Variants in PDCD6IP observed in about 807,000 individuals in gnomAD.
PDCD6IP encodes the protein programmed cell death 6 interacting protein.
In PDCD6IP, 43 loss-of-function variants were observed where a neutral mutation model predicts 103.7. The observed-to-expected ratio is 0.41, with a 90% CI of 0.32 to 0.53. PDCD6IP has a LOEUF of 0.53. Ranked by LOEUF, PDCD6IP falls within the 20% of genes least tolerant of loss-of-function variation. The pLI, the probability that PDCD6IP is intolerant of heterozygous loss-of-function variation, is 0.16. For synonymous variants in PDCD6IP, 354 were observed against 378.7 expected (o/e 0.93, Z 0.76); for missense variants, 871 against 1,036.7 (o/e 0.84, Z 2.20).
intron 16 of PDCD6IP, 109 bp downstream of exon 16, chr3:33,864,238 G>A (rs943418651): frequency 4.4e-6 from 3 of 675,458 alleles, no homozygotes; most frequent in Non-Finnish European, 7.7e-6. Context: ...GTTACCACCT[G>A]CATCAGGTAA....
intron 1 of PDCD6IP, among the ~76,000 whole-genome samples, chr3:33,802,592 C>T (rs529388037): frequency 2.0e-5 from 3 of 151,562 alleles, no homozygotes; most frequent in East Asian, 1.9e-4. Context: ...CGGGTTCAAA[C>T]GATTCTCCTG....
rs146356368 is a variant in PDCD6IP, at chr3:33,820,694, A to G, written c.335-1261A>G. ...TGTGACTGACATTTCATTTAGCTTA[A>G]TGTCCTCAAGATTCATCCGTGTTAT... On this transcript the variant is annotated intron_variant, in intron 3 of 17. Transcript: ENST00000307296. 4.8e-4 allele frequency among the ~76,000 whole-genome samples: 73 copies of G among 152,296 alleles called. No individual in the cohort carries two copies. In the East Asian group the frequency reaches 0.011, roughly 23 times the overall value.
At chr3:33,827,090 T>A (rs1697143761) in intron 6 of PDCD6IP, 1 of 985,312 alleles carries the variant, frequency 1.0e-6, no homozygotes, top group Admixed American at 6.1e-5. Flanking sequence ...GGGCTGCTAA[T>A]GGACAGCTAA....
At chr3:33,810,193 C>T (rs1488777418) in intron 1 of PDCD6IP, among the ~76,000 whole-genome samples, 1 of 152,130 alleles carries the variant, frequency 6.6e-6, no homozygotes, top group Non-Finnish European at 1.5e-5. Flanking sequence ...GGTAATTTTT[C>T]TAATTTCATC....
In PDCD6IP at chr3:33,828,863, C is replaced by A; in HGVS notation, c.728C>A (p.Pro243His). The A allele has an allele frequency of 6.2e-7, 1 of 1,612,954 alleles. No homozygotes were observed. The highest frequency in any genetic ancestry group is 1.1e-5 in the South Asian group (1 of 90,978). Residue 243 changes from proline (P) to histidine (H), a missense_variant, in exon 7 of 18, where the codon CCT (proline) becomes CAT (histidine). Transcript: ENST00000307296. ...TATTTTTATTTCCAGGAGGTGTTCC[C>A]TGTCTTGGCTGCAAAGCACTGTATC... Reference protein sequence around the residue: ...YKDTLPKEVFPVLAAKHCIMQ... With the variant: ...YKDTLPKEVFHVLAAKHCIMQ...
intron 4 of PDCD6IP, among the ~76,000 whole-genome samples, chr3:33,824,034 T>C (rs995532401): frequency 5.3e-5 from 8 of 152,126 alleles, no homozygotes; most frequent in Admixed American, 1.3e-4. Flanking sequence ...GCAAGTTCTT[T>C]AACCTCTCTA....
chr3:33,863,710 G>T (rs889165390), intron 15 of PDCD6IP, among the ~76,000 whole-genome samples: 3 of 152,166 alleles, frequency 2.0e-5, no homozygotes, highest in African/African-American at 7.2e-5. Context: ...TGGAAGTGCT[G>T]CAATAAACAT....
intron 10 of PDCD6IP, 125 bp downstream of exon 10, chr3:33,842,199 T>A: frequency 1.7e-6 from 1 of 590,342 alleles, no homozygotes; most frequent in South Asian, 2.8e-5. Context: ...TTTGGTGAAT[T>A]TACTGTGGCC....
Position 33,869,427 on chromosome 3 carries a change from A to G in PDCD6IP, c.*2902A>G, listed in dbSNP as rs1315577019. ...ATTGCTAGATTAAAAATAGACTAGA[A>G]CAGGTTCATTTTAAGATTTACTTGG... On this transcript the variant is annotated 3_prime_UTR_variant, in exon 18 of 18. Coordinates refer to ENST00000307296, the MANE Select transcript of PDCD6IP (RefSeq NM_013374.6). The G allele has an allele frequency of 1.3e-5, 2 of 152,250 alleles. No homozygotes were observed. Among genetic ancestry groups the G allele is most frequent in the Non-Finnish European group, 2.9e-5 (2 of 68,040 alleles). 9.4% of individuals were successfully genotyped at this position (152,250 alleles called of 1,614,324 possible).
At chr3:33,828,703 T>C in intron 6 of PDCD6IP, 150 bp from the exon 7 acceptor site, 2 of 586,294 alleles carry the variant, frequency 3.4e-6, no homozygotes, top group Non-Finnish European at 5.5e-6. Context: ...TCGTCTTCTC[T>C]GTTTACACCT....
At chr3:33,826,421 T>G (rs1168444636) in intron 5 of PDCD6IP, 59 bp from the exon 6 acceptor site, 1 of 1,196,598 alleles carries the variant, frequency 8.4e-7, no homozygotes, top group African/African-American at 1.5e-5. Context: ...GTGTTTATAC[T>G]GAGACATGTC....
chr3:33,852,809 T>C, intron 13 of PDCD6IP, 73 bp downstream of exon 13: 1 of 1,449,146 alleles, frequency 6.9e-7, no homozygotes, highest in Non-Finnish European at 9.1e-7. Context: ...TAAACCTATA[T>C]TCAGTTAGGA....
chr3:33,848,202 G>A (rs1559792795), intron 12 of PDCD6IP, among the ~76,000 whole-genome samples: 1 of 152,014 alleles, frequency 6.6e-6, no homozygotes, highest in Non-Finnish European at 1.5e-5. Context: ...TTTTTTGAAG[G>A]CCTACTATTC....
Position 33,810,160 on chromosome 3 carries a change from T to C in PDCD6IP, c.210-1912T>C, listed in dbSNP as rs138931019. ...TGATGAATCTTACCAGAATTAGATA[T>C]TATACTCTGAAAGGTACCAAATGGT... is the stretch of plus-strand genomic sequence containing the variant. On this transcript the variant is annotated intron_variant, in intron 1 of 17. Transcript: ENST00000307296. 1.2e-3 allele frequency among the ~76,000 whole-genome samples: 184 copies of C among 152,340 alleles called. 1 individual carries two copies. Among genetic ancestry groups the C allele is most frequent in the African/African-American group, 4.0e-3 (165 of 41,582 alleles).
chr3:33,824,250 G>T (rs1305414390), intron 4 of PDCD6IP, among the ~76,000 whole-genome samples: 1 of 145,148 alleles, frequency 6.9e-6, no homozygotes, highest in Non-Finnish European at 1.5e-5. Context: ...TCTAACTCAT[G>T]ACACCTTTTT....
chr3:33,814,509 ATAAT>A (rs1696790261), intron 3 of PDCD6IP, among the ~76,000 whole-genome samples: 1 of 142,168 alleles, frequency 7.0e-6, no homozygotes, highest in African/African-American at 2.6e-5. Flanking sequence ...GCTGCAATGA[ATAAT>A]TATATTATTA....
intron 6 of PDCD6IP, 69 bp from the exon 7 acceptor site, chr3:33,828,784 C>G: frequency 6.4e-7 from 1 of 1,571,080 alleles, no homozygotes; most frequent in Non-Finnish European, 8.7e-7. Context: ...CTTTTTCTTC[C>G]TGCATCCCAT....
chr3:33,826,016 T>A (rs939797970), intron 5 of PDCD6IP, among the ~76,000 whole-genome samples: 1 of 152,066 alleles, frequency 6.6e-6, no homozygotes, highest in African/African-American at 2.4e-5. Context: ...TAAGTTAGCA[T>A]GAGAGATTGA....
intron 4 of PDCD6IP, among the ~76,000 whole-genome samples, chr3:33,824,790 CGG>C (rs1559780818): frequency 1.3e-5 from 2 of 152,064 alleles, no homozygotes; most frequent in Non-Finnish European, 2.9e-5. Context: ...CCCCTAACTA[CGG>C]CATGTTTAAT....
Sources: gnomAD v4.1 joint callset for allele counts (sites outside exome capture counted in the v4.1 genomes callset) on GRCh38, gnomAD v4.1.1 for gene constraint, MANE v1.5 for transcripts, NCBI Gene and HGNC (gene_info 2026-07-23, HGNC 2026-07-21) for gene names.